ANKRD26: variants seen among roughly 807,000 people sequenced by gnomAD.
The protein encoded by ANKRD26 is ankyrin repeat domain-containing protein 26.
ANKRD26 carries 141 observed loss-of-function variants against 208.7 expected under a neutral mutation model. That is an observed-to-expected ratio of 0.68 (90% CI 0.59 to 0.78). The LOEUF is 0.78. Ranked by LOEUF, ANKRD26 falls within the 30% of genes least tolerant of loss-of-function variation. The pLI is 0.00. For synonymous variants in ANKRD26, 636 were observed against 660.4 expected, an observed-to-expected ratio of 0.96 and a Z score of 0.57; for missense variants, 1,889 against 1,938.7, an observed-to-expected ratio of 0.97 and a Z score of 0.48.
At chr10:27,042,952 CAAA>C (rs376971749) in intron 20 of ANKRD26, among the ~76,000 whole-genome samples, 3 of 82,396 alleles carry the variant, frequency 3.6e-5, no homozygotes, top group Non-Finnish European at 2.6e-5. Context: ...AATTTTGTCT[CAAA>C]AAAAAAAAAA....
chr10:26,973,593 G>T (rs1273104072), downstream of ANKRD26, among the ~76,000 whole-genome samples: 1 of 136,534 alleles, frequency 7.3e-6, no homozygotes, highest in African/African-American at 2.7e-5. Flanking sequence ...TCAATTTATT[G>T]TAATTATTAA....
At position 27,035,584 on chromosome 10, in the gene ANKRD26, G is replaced by A. The variant is rs1264341071; in HGVS notation, c.2866C>T (p.Leu956Phe). The A allele has an allele frequency of 5.6e-6, 9 of 1,611,524 alleles. No individual in the cohort carries two copies. In the East Asian group the frequency reaches 1.8e-4, roughly 32 times the overall value. The part of the protein sequence containing the change: ...LKIVKEKNED[L>F]QKTIKQNEET... ...TCATTCTGTTTTATAGTCTTCTGAAGGTCTTCATTCTTTTCTTTTACAATT... is the reference window on the plus strand; with the variant it reads ...TCATTCTGTTTTATAGTCTTCTGAAAGTCTTCATTCTTTTCTTTTACAATT... Residue 956 changes from leucine to phenylalanine, a missense_variant, in exon 24 of 34, where the codon CTT becomes TTT. By Grantham distance (22) the Leu-to-Phe change is conservative. Around this residue, in one of 3 missense-constraint regions of ANKRD26, gnomAD observed 1,272 missense variants for 1,273.8 expected, o/e 1.00. Transcript: ENST00000376087.
At chr10:26,971,645 C>T (rs988062970), downstream of ANKRD26, among the ~76,000 whole-genome samples, 3 of 143,802 alleles carry the variant, frequency 2.1e-5, no homozygotes, top group Non-Finnish European at 3.0e-5. Flanking sequence ...CACTGCACTC[C>T]AGCCTAGGTG....
chr10:27,057,331 C>G (rs1313967412), intron 15 of ANKRD26, among the ~76,000 whole-genome samples: 1 of 152,092 alleles, frequency 6.6e-6, no homozygotes, highest in Non-Finnish European at 1.5e-5. Context: ...TTCAGTATTA[C>G]TTATTTACTT....
intron 9 of ANKRD26, among the ~76,000 whole-genome samples, chr10:27,073,558 T>C (rs2055581548): frequency 6.6e-6 from 1 of 152,162 alleles, no homozygotes; most frequent in African/African-American, 2.4e-5. Flanking sequence ...TGAAAACACT[T>C]TAGTGCATAT....
downstream of ANKRD26, among the ~76,000 whole-genome samples, chr10:26,971,675 CAAAA>C (rs1170237211): frequency 1.1e-5 from 1 of 89,450 alleles, no homozygotes; most frequent in Non-Finnish European, 2.4e-5. Context: ...GACCATGTCT[CAAAA>C]AAAAAAAAAA....
intron 9 of ANKRD26, among the ~76,000 whole-genome samples, chr10:27,068,240 C>T (rs919163651): frequency 1.3e-5 from 2 of 152,210 alleles, no homozygotes; most frequent in Non-Finnish European, 2.9e-5. Flanking sequence ...AGTGAATTCT[C>T]ATGAGATCTG....
At chr10:27,057,270 C>T (rs1367100885) in intron 15 of ANKRD26, among the ~76,000 whole-genome samples, 2 of 152,168 alleles carry the variant, frequency 1.3e-5, no homozygotes, top group Admixed American at 6.5e-5. Context: ...GCCATTTGCT[C>T]ACAGAAGTTT....
intron 1 of ANKRD26, among the ~76,000 whole-genome samples, chr10:27,099,287 GGCCTCTACT>G (rs1169264615): frequency 3.3e-5 from 5 of 151,926 alleles, no homozygotes; most frequent in African/African-American, 1.2e-4. Flanking sequence ...CACCACGCCT[GGCCTCTACT>G]GCCACTTTCA....
chr10:27,099,669 CCG>C (rs2056584492), intron 1 of ANKRD26, among the ~76,000 whole-genome samples: 1 of 152,214 alleles, frequency 6.6e-6, no homozygotes, highest in South Asian at 2.1e-4. Flanking sequence ...GCGCGAGCCA[CCG>C]CGCCTGACGA....
rs991040675 is a variant in ANKRD26 at position 27,035,137 on chromosome 10, G to A, written c.3313C>T (p.Gln1105Ter). The A allele has an allele frequency of 1.2e-6, 2 of 1,613,580 alleles. No individual in the cohort carries two copies. The highest frequency in any genetic ancestry group is 1.3e-5 in the African/African-American group (1 of 74,974). Reference protein sequence around the residue: ...ERVQKDLSQTQCQMKEMEQKY... With the variant: ...ERVQKDLSQT ...TGTTCCATTTCCTTCATTTGACACTGTGTTTGGCTTAGGTCCTTTTGTACC... is the reference window on the plus strand; with the variant it reads ...TGTTCCATTTCCTTCATTTGACACTATGTTTGGCTTAGGTCCTTTTGTACC... The change falls in exon 24 of 34, where the codon CAG (glutamine) becomes TAG (stop). Residue 1105 changes from glutamine (Q) to a stop codon, truncating the protein, a stop_gained. Coordinates refer to ENST00000376087, the MANE Select transcript of ANKRD26 (RefSeq NM_014915.3). LOFTEE classifies it high-confidence loss of function.
At chr10:26,971,675 CAAAAAAAA>C (rs1170237211), downstream of ANKRD26, among the ~76,000 whole-genome samples, 4 of 89,456 alleles carry the variant, frequency 4.5e-5, no homozygotes, top group African/African-American at 1.5e-4. Context: ...GACCATGTCT[CAAAAAAAA>C]AAAAAAAAAA....
the ANKRD26 span, among the ~76,000 whole-genome samples, chr10:26,955,479 GTA>G: frequency 6.6e-6 from 1 of 151,822 alleles, no homozygotes; most frequent in African/African-American, 2.4e-5. Context: ...ACATATATGT[GTA>G]TATATGTGTG....
chr10:27,020,873 C>T (rs1350573496), intron 29 of ANKRD26, among the ~76,000 whole-genome samples: 3 of 152,066 alleles, frequency 2.0e-5, no homozygotes, highest in Admixed American at 1.3e-4. Context: ...TTTGTCAAGG[C>T]TGGTCTCGGA....
chr10:26,976,726 A>G (rs1207439945), intron 5 of ANKRD26, among the ~76,000 whole-genome samples: 1 of 152,106 alleles, frequency 6.6e-6, no homozygotes, highest in African/African-American at 2.4e-5. Flanking sequence ...ACACAAGCTC[A>G]CTGCGTGTGC....
intron 3 of ANKRD26, among the ~76,000 whole-genome samples, chr10:26,983,515 C>G (rs1174658301): frequency 2.0e-5 from 3 of 152,144 alleles, no homozygotes; most frequent in Non-Finnish European, 4.4e-5. Context: ...TCACAATGTT[C>G]TCCAAGTATC....
chr10:27,007,006 G>C (rs2052911058), intron 32 of ANKRD26, 44 bp from the exon 33 acceptor site: 3 of 1,419,984 alleles, frequency 2.1e-6, no homozygotes, highest in Non-Finnish European at 3.0e-6. Context: ...AGTTAGACAA[G>C]AGACATTAAC....
chr10:26,983,241 G>A (rs542039699), intron 3 of ANKRD26, among the ~76,000 whole-genome samples: 163 of 152,244 alleles, frequency 1.1e-3, no homozygotes, highest in Non-Finnish European at 1.9e-3. Context: ...AAAGATAGAA[G>A]CTGAGTAATC....
chr10:26,956,508 T>C, the ANKRD26 span, among the ~76,000 whole-genome samples: 1 of 152,148 alleles, frequency 6.6e-6, no homozygotes, highest in South Asian at 2.1e-4. Context: ...AGCTCACTTC[T>C]GTAATCGTAG....
Sources: gnomAD v4.1 joint callset for allele counts (sites outside exome capture counted in the v4.1 genomes callset) on GRCh38, gnomAD v4.1.1 for gene constraint, gnomAD v4.1.1 regional missense constraint, MANE v1.5 for transcripts, NCBI Gene and HGNC (gene_info 2026-07-23, HGNC 2026-07-21) for gene names.